THSD7B: variants seen among roughly 807,000 people sequenced by gnomAD.
THSD7B encodes the protein thrombospondin type 1 domain containing 7B.
THSD7B carries 138 observed loss-of-function variants against 213.6 expected under a neutral mutation model. That is an observed-to-expected ratio of 0.65 (90% CI 0.56 to 0.74). THSD7B has a LOEUF of 0.74. Ranked by LOEUF, THSD7B falls within the 30% of genes least tolerant of loss-of-function variation. The pLI is 0.00. For missense variants in THSD7B, 1,931 were observed against 1,991.5 expected, an observed-to-expected ratio of 0.97 and a Z score of 0.58; for synonymous variants, 742 against 687.0, an observed-to-expected ratio of 1.08 and a Z score of -1.25.
intron 2 of THSD7B, among the ~76,000 whole-genome samples, chr2:137,032,594 G>A: frequency 6.6e-6 from 1 of 152,066 alleles, no homozygotes; most frequent in East Asian, 1.9e-4. Flanking sequence ...TAATAAACTT[G>A]GCTTTTTCAC....
At chr2:137,168,912 C>T (rs955905936) in intron 6 of THSD7B, among the ~76,000 whole-genome samples, 2 of 152,148 alleles carry the variant, frequency 1.3e-5, no homozygotes, top group African/African-American at 2.4e-5. Flanking sequence ...TATGCATCTC[C>T]TTTCAAGGTG....
intron 1 of THSD7B, among the ~76,000 whole-genome samples, chr2:136,784,282 A>G (rs1681798597): frequency 6.6e-6 from 1 of 152,216 alleles, no homozygotes. Flanking sequence ...TACAAATAAC[A>G]ATTTTGAGCA....
intron 10 of THSD7B, among the ~76,000 whole-genome samples, chr2:137,249,076 T>C (rs1682109718): frequency 6.6e-6 from 1 of 152,008 alleles, no homozygotes; most frequent in Admixed American, 6.6e-5. Flanking sequence ...GATAATTTAG[T>C]AGGAGGAACG....
chr2:137,319,338 G>T (rs927905747), intron 12 of THSD7B, among the ~76,000 whole-genome samples: 4 of 151,504 alleles, frequency 2.6e-5, no homozygotes, highest in Non-Finnish European at 4.4e-5. Flanking sequence ...GTTTTGAGGT[G>T]CTTATATGTC....
chr2:137,599,918 G>T (rs9287476), intron 17 of THSD7B, among the ~76,000 whole-genome samples: 5 of 151,794 alleles, frequency 3.3e-5, no homozygotes, highest in Admixed American at 6.6e-5. Context: ...CTCTACCAAG[G>T]CCTCCTCCTT....
At chr2:137,352,443 C>T (rs899489557) in intron 12 of THSD7B, among the ~76,000 whole-genome samples, 1 of 152,010 alleles carries the variant, frequency 6.6e-6, no homozygotes, top group Non-Finnish European at 1.5e-5. Flanking sequence ...TCATTTCAGT[C>T]TCTGTTGGGC....
At chr2:137,055,443 A>C (rs1216898299) in intron 2 of THSD7B, among the ~76,000 whole-genome samples, 1 of 152,214 alleles carries the variant, frequency 6.6e-6, no homozygotes, top group African/African-American at 2.4e-5. Flanking sequence ...AATGAAAGAG[A>C]AGAAACTATT....
At chr2:137,454,472 ATC>A (rs1489427239) in intron 15 of THSD7B, among the ~76,000 whole-genome samples, 30 of 143,730 alleles carry the variant, frequency 2.1e-4, no homozygotes, top group Admixed American at 6.3e-4. Context: ...CTATCTATCT[ATC>A]TATGTGTGTG....
intron 1 of THSD7B, among the ~76,000 whole-genome samples, chr2:136,842,994 A>C (rs1448296763): frequency 2.0e-5 from 3 of 152,040 alleles, no homozygotes; most frequent in Non-Finnish European, 4.4e-5. Flanking sequence ...TCAGGTACTG[A>C]CTGGCATGGT....
intron 3 of THSD7B, among the ~76,000 whole-genome samples, chr2:137,065,422 C>T (rs979862716): frequency 4.6e-5 from 7 of 151,518 alleles, no homozygotes; most frequent in African/African-American, 1.7e-4. Context: ...TTCGGTTTTT[C>T]CAAATATTAT....
chr2:137,029,613 C>A (rs1044071307), intron 2 of THSD7B, among the ~76,000 whole-genome samples: 2 of 152,134 alleles, frequency 1.3e-5, no homozygotes, highest in African/African-American at 4.8e-5. Context: ...TCTTTGCCAA[C>A]TATAACTGCA....
chr2:137,317,241 A>G (rs1411850006), intron 12 of THSD7B, among the ~76,000 whole-genome samples: 4 of 152,270 alleles, frequency 2.6e-5, no homozygotes, highest in Admixed American at 6.5e-5. Flanking sequence ...CAAGAATTCT[A>G]TGGGCAGTCA....
intron 1 of THSD7B, among the ~76,000 whole-genome samples, chr2:136,867,421 C>T (rs1683350360): frequency 6.6e-6 from 1 of 152,138 alleles, no homozygotes; most frequent in South Asian, 2.1e-4. Context: ...CTTTTCCATT[C>T]CCACATGTCT....
chr2:137,332,133 C>T (rs1382427046), intron 12 of THSD7B, among the ~76,000 whole-genome samples: 1 of 152,032 alleles, frequency 6.6e-6, no homozygotes, highest in Non-Finnish European at 1.5e-5. Flanking sequence ...CGAGAGCGAG[C>T]GAGGGCTATG....
Position 137,203,966 on chromosome 2 carries a change from T to C in THSD7B, c.1724-27078T>C, listed in dbSNP as rs1002511193. Among the ~76,000 whole-genome samples the C allele has an allele frequency of 3.3e-5, 5 of 152,138 alleles. No homozygotes were observed. The South Asian group carries it at 1.0e-3, about 32-fold the overall frequency. ...TAAGAGTACACAGACCACCCAGTGA[T>C]AAATATGAGTATGTGAAAGAAATAT... On this transcript the variant is annotated intron_variant, in intron 7 of 27. Transcript: ENST00000409968.
intron 3 of THSD7B, among the ~76,000 whole-genome samples, chr2:137,073,454 A>G (rs1004291128): frequency 1.3e-5 from 2 of 150,104 alleles, no homozygotes; most frequent in Non-Finnish European, 3.0e-5. Flanking sequence ...GGTGATATCC[A>G]TTGCATCTAT....
At chr2:136,776,019 T>G (rs922261524) in intron 1 of THSD7B, among the ~76,000 whole-genome samples, 1 of 152,152 alleles carries the variant, frequency 6.6e-6, no homozygotes, top group Non-Finnish European at 1.5e-5. Flanking sequence ...GTGAAATATA[T>G]GTACTATGGT....
chr2:136,779,368 G>A (rs1573634568), intron 1 of THSD7B, among the ~76,000 whole-genome samples: 1 of 152,190 alleles, frequency 6.6e-6, no homozygotes, highest in Middle Eastern at 3.4e-3. Context: ...AAAGACAAGT[G>A]TCTTTGTTGG....
chr2:137,537,348 T>C (rs1378642718), intron 15 of THSD7B, among the ~76,000 whole-genome samples: 1 of 151,794 alleles, frequency 6.6e-6, no homozygotes, highest in Non-Finnish European at 1.5e-5. Context: ...TTAATGTTTC[T>C]ATACTTCTAT....
Sources: allele counts gnomAD v4.1 joint callset (sites outside exome capture counted in the v4.1 genomes callset), GRCh38; gene constraint gnomAD v4.1.1; transcripts MANE v1.5; gene names NCBI Gene and HGNC (gene_info 2026-07-23, HGNC 2026-07-21).